The following TCF3 variants were observed in gnomAD, a reference collection of about 807,000 sequenced individuals.
TCF3 encodes transcription factor E2-alpha.
A neutral mutation model predicts 72.3 loss-of-function variants in TCF3; 54 were observed. The observed-to-expected ratio is 0.75, with a 90% CI of 0.60 to 0.94. The LOEUF (loss-of-function observed/expected upper bound fraction) is 0.94, where lower values mean the gene tolerates loss of function less well. TCF3 is among the 40% of genes least tolerant of loss of function. The probability of loss-of-function intolerance (pLI) is 0.00; values close to 1 mark genes in which losing one functional copy is unlikely to be tolerated. For missense variants in TCF3, 1,078 were observed against 934.4 expected, an observed-to-expected ratio of 1.15 and a Z score of -2.00; for synonymous variants, 525 against 412.6, an observed-to-expected ratio of 1.27 and a Z score of -3.30.
Position 1,611,772 on chromosome 19 carries a change from G to C in TCF3, c.1900C>G (p.Gln634Glu). Reference protein sequence around the residue: ...EKVSGVVGDPQMVLSAPHPGL... With the variant: ...EKVSGVVGDPEMVLSAPHPGL... ...GGGTGGGGAGCTGAAAGCACCATCT[G>C]GGGGTCTCCAACCACACCTGACACC... Residue 634 changes from glutamine (Q) to glutamate (E), a missense_variant, in exon 19 of 19, where the codon CAG becomes GAG. By Grantham distance (29) the Gln-to-Glu change is conservative (BLOSUM62 2). Transcript: ENST00000262965. 6.2e-7 allele frequency: 1 copy of C among 1,613,802 alleles called. No individual in the cohort carries two copies. Among genetic ancestry groups the C allele is most frequent in the Non-Finnish European group, 8.5e-7 (1 of 1,179,990 alleles).
intron 11 of TCF3, among the ~76,000 whole-genome samples, 165 bp downstream of exon 11, chr19:1,621,673 G>A (rs549386811): frequency 2.0e-5 from 3 of 152,308 alleles, no homozygotes; most frequent in East Asian, 1.9e-4. Context: ...CCCAACGCAC[G>A]TGGCAGGCCC....
At chr19:1,650,143 G>A (rs753834722) in intron 2 of TCF3, 34 bp downstream of exon 2, 4 of 1,539,242 alleles carry the variant, frequency 2.6e-6, no homozygotes, top group Non-Finnish European at 3.5e-6. Context: ...GGAGGCAAAG[G>A]GGTGTCGGGG....
Position 1,619,489 on chromosome 19 carries a change from G to C in TCF3, c.1168-15C>G, listed in dbSNP as rs762068655. ...ATCTTACTCTGCTGCAGGGTGGGGG[G>C]ATGGGTGGTGAGGGGCCCAAGCCGA... On this transcript the variant is annotated splice_polypyrimidine_tract_variant and intron_variant, in intron 14 of 18. Coordinates refer to ENST00000262965, the MANE Select transcript of TCF3 (RefSeq NM_003200.5). 6.4e-7 allele frequency: 1 copy of C among 1,562,172 alleles called. No homozygotes were observed. Among genetic ancestry groups the C allele is most frequent in the East Asian group, 2.3e-5 (1 of 44,158 alleles).
rs917334730 is a variant in TCF3 at position 1,610,941 on chromosome 19, G to T, written c.*766C>A. 5.2e-6 allele frequency: 1 copy of T among 193,844 alleles called. No homozygotes were observed. The highest frequency in any genetic ancestry group is 1.0e-5 in the Non-Finnish European group (1 of 98,302). The allele number at this position is 193,844 out of a possible 1,614,324, so 12.0% of individuals were successfully genotyped here. ...GTGGCTTCCGGGGGGGGGGGGGGAC[G>T]GGGGGGCTCAGGTTTACACGGGGTC... On this transcript the variant is annotated 3_prime_UTR_variant, in exon 19 of 19. Transcript: ENST00000262965.
At position 1,609,872 on chromosome 19, in the gene TCF3, G is replaced by A; in HGVS notation, c.*1835C>T. 2 of 232,448 alleles carry A rather than the reference G, an allele frequency of 8.6e-6. No homozygotes were observed. The highest frequency in any genetic ancestry group is 1.7e-5 in the Non-Finnish European group (2 of 117,604). The allele number at this position is 232,448 out of a possible 1,614,324, so 14.4% of individuals were successfully genotyped here. The stretch of plus-strand genomic sequence containing the variant: ...GGGTAACGGTGGGAGTCTCAGGAGT[G>A]GCACGGGGGGAGACGCCCGACCTGC... On this transcript the variant is annotated 3_prime_UTR_variant, in exon 19 of 19. Transcript: ENST00000262965.
At position 1,611,753 on chromosome 19, in the gene TCF3, G is replaced by A. The variant is rs1019768299; in HGVS notation, c.1919C>T (p.Pro640Leu). Residue 640 changes from proline (P) to leucine (L), a missense_variant, in exon 19 of 19, where the codon CCC becomes CTC. Pro to Leu is a moderately conservative substitution (Grantham distance 98). Transcript: ENST00000262965. ...VGDPQMVLSA[P>L]HPGLSEAHNP... ...GTGGGCTTCGCTCAGGCCTGGGTGG[G>A]GAGCTGAAAGCACCATCTGGGGGTC... 3.1e-6 allele frequency: 5 copies of A among 1,613,728 alleles called. No individual in the cohort carries two copies. Among genetic ancestry groups the A allele is most frequent in the Non-Finnish European group, 4.2e-6 (5 of 1,179,988 alleles).
At chr19:1,645,963 C>G (rs970611283) in intron 3 of TCF3, among the ~76,000 whole-genome samples, 2 of 152,208 alleles carry the variant, frequency 1.3e-5, no homozygotes, top group East Asian at 3.9e-4. Flanking sequence ...CCAGTGAGAG[C>G]CGGGATCCCG....
chr19:1,646,666 C>T (rs10402765), intron 2 of TCF3, among the ~76,000 whole-genome samples: 1 of 152,272 alleles, frequency 6.6e-6, no homozygotes, highest in East Asian at 1.9e-4. Context: ...AAACTCCAGA[C>T]GATGACCCCG....
chr19:1,644,162 C>T (rs1198862992), intron 3 of TCF3, among the ~76,000 whole-genome samples: 5 of 152,334 alleles, frequency 3.3e-5, no homozygotes, highest in South Asian at 4.1e-4. Flanking sequence ...TGGGCCCTGC[C>T]GGGATCCCTC....
rs2060983302 is a variant in TCF3, at chr19:1,611,514, C to T, written c.*193G>A. Reference sequence around the variant, plus strand: ...GGCCAGTGAGTGGTAGGCCAGGGCCCCAGGGAGCTCCTGGACCCAGTGTCA... The same window carrying T: ...GGCCAGTGAGTGGTAGGCCAGGGCCTCAGGGAGCTCCTGGACCCAGTGTCA... On this transcript the variant is annotated 3_prime_UTR_variant, in exon 19 of 19. Coordinates refer to ENST00000262965, the MANE Select transcript of TCF3 (RefSeq NM_003200.5). 1 of 672,004 alleles carries T rather than the reference C, an allele frequency of 1.5e-6. No individual in the cohort carries two copies. Among genetic ancestry groups the T allele is most frequent in the Non-Finnish European group, 2.4e-6 (1 of 424,752 alleles). The allele number at this position is 672,004 out of a possible 1,614,324, so 41.6% of individuals were successfully genotyped here. A position where few individuals can be genotyped will look rare whatever the true frequency, so the allele number is the denominator to read the frequency against.
In TCF3 at chr19:1,626,876, G is replaced by T. The variant is rs1044734591; in HGVS notation, c.366+483C>A. Among the ~76,000 whole-genome samples the T allele has an allele frequency of 3.3e-5, 5 of 152,166 alleles. No individual in the cohort carries two copies. The Middle Eastern group carries it at 0.017, about 518-fold the overall frequency. On this transcript the variant is annotated intron_variant, in intron 6 of 18. Coordinates refer to ENST00000262965, the MANE Select transcript of TCF3 (RefSeq NM_003200.5). ...CCGAGAGCTAGGAGCTGACGGCGGG[G>T]ACAGAGATGAAGTCCTGGGGTGAGG...
At position 1,615,691 on chromosome 19, in the gene TCF3, C is replaced by G; in HGVS notation, c.1581G>C (p.Arg527=). The G allele has an allele frequency of 1.9e-6, 3 of 1,613,328 alleles. No individual in the cohort carries two copies. The highest frequency in any genetic ancestry group is 2.5e-6 in the Non-Finnish European group (3 of 1,179,606). The change falls in exon 17 of 19, where the codon CGG becomes CGC. Residue 527 remains arginine (R), a synonymous_variant. Transcript: ENST00000262965. This position sits in a 1 kb window ranked among gnomAD's most constrained non-coding sequence, Gnocchi z 7.3. ...EKKELKAPRA[R]TSPDEDEDDL... is the part of the protein sequence containing the mutation. ...GCCGAGGGGTGGGTTGGCACCTGGT[C>G]CGGGCCCGGGGGGCCTTCAGCTCCT...
At chr19:1,613,152 CTGATG>C (rs1599432940) in intron 18 of TCF3, among the ~76,000 whole-genome samples, 1 of 152,098 alleles carries the variant, frequency 6.6e-6, no homozygotes, top group East Asian at 1.9e-4. Context: ...GGTCCACATG[CTGATG>C]TGTGTGTTGT....
At chr19:1,651,249 A>C (rs1399623907) in intron 1 of TCF3, 1 of 227,126 alleles carries the variant, frequency 4.4e-6, no homozygotes, top group Admixed American at 5.7e-5. Context: ...AGGGGTCCCC[A>C]GGTGGGGACG....
intron 16 of TCF3, among the ~76,000 whole-genome samples, chr19:1,618,000 G>T (rs979368095): frequency 2.0e-5 from 3 of 152,156 alleles, no homozygotes; most frequent in African/African-American, 7.2e-5. Context: ...AAAGCAGGCA[G>T]GATTCCTGGG....
At chr19:1,649,519 C>A (rs2066666329) in intron 2 of TCF3, among the ~76,000 whole-genome samples, 1 of 152,192 alleles carries the variant, frequency 6.6e-6, no homozygotes, top group African/African-American at 2.4e-5. Flanking sequence ...AAGTGATTCT[C>A]CTTGCCTCAG....
At chr19:1,622,690 CCTA>C (rs1392524968) in intron 8 of TCF3, among the ~76,000 whole-genome samples, 4 of 152,178 alleles carry the variant, frequency 2.6e-5, no homozygotes, top group Admixed American at 2.0e-4. Flanking sequence ...TCTGGCTCTG[CCTA>C]CTAAACCTTT....
intron 13 of TCF3, among the ~76,000 whole-genome samples, chr19:1,620,135 A>G (rs1208657789): frequency 6.6e-6 from 1 of 152,158 alleles, no homozygotes. Context: ...GGCAGCACAC[A>G]GTAGGGGGCT....
rs141508573 is a variant in TCF3 at position 1,615,046 on chromosome 19, A to G, written c.1822+239T>C. Among the ~76,000 whole-genome samples the G allele has an allele frequency of 4.6e-3, 707 of 152,284 alleles. 6 individuals are homozygous for G. The highest frequency in any genetic ancestry group is 0.016 in the African/African-American group (668 of 41,556). On this transcript the variant is annotated intron_variant, in intron 18 of 18. Transcript: ENST00000262965. The surrounding 1 kb of genome is among the most constrained non-coding windows in gnomAD (Gnocchi z 7.3). ...GGCCTGAAGGACTAGGGGTCCAGAA[A>G]GAGTCCAGTCCTCCCACTGTGGAGG...
Sources: gnomAD v4.1 joint callset for allele counts (sites outside exome capture counted in the v4.1 genomes callset) on GRCh38, gnomAD v4.1.1 for gene constraint, Gnocchi (gnomAD v3.1) non-coding constraint, MANE v1.5 for transcripts, NCBI Gene and HGNC (gene_info 2026-07-23, HGNC 2026-07-21) for gene names.